MPRIP: variants seen among roughly 807,000 people sequenced by gnomAD.
MPRIP encodes the protein myosin phosphatase Rho interacting protein.
MPRIP carries 59 observed loss-of-function variants against 234.9 expected under a neutral mutation model. The observed-to-expected ratio is 0.25, with a 90% CI of 0.20 to 0.31. The LOEUF (loss-of-function observed/expected upper bound fraction) is 0.31. Among genes scored for constraint, MPRIP ranks in the 10% least tolerant of loss-of-function variants. The probability of loss-of-function intolerance (pLI) is 1.00; values close to 1 mark genes in which losing one functional copy is unlikely to be tolerated. For synonymous variants in MPRIP, 1,144 were observed against 1,263.9 expected (o/e 0.91, Z 2.01); for missense variants, 2,436 against 3,071.0 (o/e 0.79, Z 4.89).
rs113803816 is a variant in MPRIP, at chr17:17,150,179, A to G, written c.1665A>G (p.Ala555=). ...TGGATGGAGAAATTGACTTGTCCGC[A>G]TGTTACGATGTCACAGAGTATCCAG... ...ADLDGEIDLS[A]CYDVTEYPVQ... The change falls in exon 12 of 24, where the codon GCA becomes GCG. Residue 555 remains alanine (A), a synonymous_variant. Coordinates refer to ENST00000651222, the MANE Select transcript of MPRIP (RefSeq NM_001364716.4). The G allele has an allele frequency of 6.2e-4, 993 of 1,613,826 alleles. 3 individuals carry two copies. The African/African-American group carries it at 0.012, about 19-fold the overall frequency.
At position 17,165,149 on chromosome 17, in the gene MPRIP, G is replaced by A. The variant is rs1212833522; in HGVS notation, c.3558G>A (p.Gln1186=). ...AGAAGGTTCTGGAGAAGAAGGAGCA[G>A]GACCTCAATGAGGCTTTGGTTAAAA... ...AHEKVLEKKE[Q]DLNEALVKMV... The change falls in exon 16 of 24, where the codon CAG becomes CAA. Residue 1186 remains glutamine (Q), a synonymous_variant. Coordinates refer to ENST00000651222, the MANE Select transcript of MPRIP (RefSeq NM_001364716.4). 3.8e-6 allele frequency: 5 copies of A among 1,304,114 alleles called. No individual in the cohort carries two copies. The highest frequency in any genetic ancestry group is 5.1e-6 in the Non-Finnish European group (5 of 988,980). 80.8% of individuals were successfully genotyped at this position (1,304,114 alleles called of 1,614,324 possible).
At chr17:17,105,165 G>A (rs2090039074) in intron 3 of MPRIP, among the ~76,000 whole-genome samples, 1 of 152,272 alleles carries the variant, frequency 6.6e-6, no homozygotes, top group East Asian at 1.9e-4. Context: ...GATGGGCATC[G>A]CTTTCTCCCA....
Position 17,174,025 on chromosome 17 carries a change from G to C in MPRIP, c.6700G>C (p.Ala2234Pro). 6.2e-7 allele frequency: 1 copy of C among 1,613,522 alleles called. No homozygotes were observed. Among genetic ancestry groups the C allele is most frequent in the Non-Finnish European group, 8.5e-7 (1 of 1,180,036 alleles). The change falls in exon 19 of 24, where the codon GCC (alanine) becomes CCC (proline). Residue 2234 changes from alanine to proline, a missense_variant. Ala to Pro is a conservative substitution (Grantham distance 27). Coordinates refer to ENST00000651222, the MANE Select transcript of MPRIP (RefSeq NM_001364716.4). ...LAQALEAERQ[A>P]LRQCQRENQE... is the part of the protein sequence containing the mutation. Reference sequence around the variant, plus strand: ...CCAGGCGCTGGAGGCCGAGCGGCAGGCCCTGCGGCAGTGCCAGCGTGAGAA... The same window carrying C: ...CCAGGCGCTGGAGGCCGAGCGGCAGCCCCTGCGGCAGTGCCAGCGTGAGAA...
At chr17:17,096,717 C>CCTT in intron 3 of MPRIP, 2 of 470,624 alleles carry the variant, frequency 4.2e-6, no homozygotes, top group South Asian at 3.1e-5. Context: ...TCAGCCCTGT[C>CCTT]CTTACCCAGG....
At chr17:17,174,607 C>T (rs1327081635) in intron 19 of MPRIP, among the ~76,000 whole-genome samples, 4 of 152,144 alleles carry the variant, frequency 2.6e-5, no homozygotes, top group South Asian at 2.1e-4. Context: ...GAGGCCAAGA[C>T]GGGCGGATCA....
chr17:17,061,274 C>T (rs1014329310), intron 1 of MPRIP, among the ~76,000 whole-genome samples: 13 of 152,180 alleles, frequency 8.5e-5, no homozygotes, highest in African/African-American at 2.9e-4. Flanking sequence ...CCAGAAAAGA[C>T]GGACAACCTT....
intron 1 of MPRIP, among the ~76,000 whole-genome samples, chr17:17,054,771 C>G (rs2088643106): frequency 6.6e-6 from 1 of 151,058 alleles, no homozygotes; most frequent in South Asian, 2.1e-4. Context: ...ATTTTTAGGT[C>G]AGGTGCTGCG....
intron 2 of MPRIP, chr17:17,077,470 T>C (rs2089359659): frequency 2.6e-5 from 4 of 154,858 alleles, no homozygotes; most frequent in Admixed American, 1.9e-4. Context: ...TGTTTTGATT[T>C]TCATTAACTC....
intron 3 of MPRIP, among the ~76,000 whole-genome samples, chr17:17,080,513 T>C (rs2089437485): frequency 6.6e-6 from 1 of 152,200 alleles, no homozygotes; most frequent in Non-Finnish European, 1.5e-5. Flanking sequence ...TGCCTGGAAA[T>C]AGACCAGTGG....
Position 17,166,726 on chromosome 17 carries a change from T to G in MPRIP, c.5135T>G (p.Leu1712Arg), listed in dbSNP as rs1348181994. Residue 1712 changes from leucine (L) to arginine (R), a missense_variant, in exon 16 of 24, where the codon CTG (leucine) becomes CGG (arginine). By Grantham distance (102) the Leu-to-Arg change is moderately radical (BLOSUM62 -2). Transcript: ENST00000651222. This position sits in a 1 kb window ranked among gnomAD's most constrained non-coding sequence, Gnocchi z 4.4. ...CACAAATGCCTGCTGAGGGAAATCC[T>G]GGGAGCCTACCAAACCCCAGACTTT... ...RQHKCLLREI[L>R]GAYQTPDFER... 3.1e-6 allele frequency: 4 copies of G among 1,304,136 alleles called. No homozygotes were observed. Among genetic ancestry groups the G allele is most frequent in the Non-Finnish European group, 4.0e-6 (4 of 988,930 alleles). 80.8% of individuals were successfully genotyped at this position (1,304,136 alleles called of 1,614,324 possible).
intron 3 of MPRIP, among the ~76,000 whole-genome samples, chr17:17,115,711 G>A (rs926465279): frequency 6.6e-6 from 1 of 152,076 alleles, no homozygotes; most frequent in African/African-American, 2.4e-5. Flanking sequence ...CATCTTTATC[G>A]ATTGGCCTGT....
chr17:17,177,554 C>T (rs1344611007), intron 22 of MPRIP, 142 bp downstream of exon 22: 2 of 897,362 alleles, frequency 2.2e-6, no homozygotes, highest in Non-Finnish European at 3.4e-6. Flanking sequence ...AGCAGGAGCA[C>T]CAGCTTCACA....
chr17:17,075,766 C>T lies in MPRIP; in HGVS notation c.180C>T (p.Asp60=), dbSNP rs781555542. The part of the protein sequence containing the change: ...LLLAPDGTDF[D]NPVHRSRKWQ... ...TGGCTCCAGATGGGACCGACTTTGA[C>T]AACCCAGTGCACCGGTCTCGGGTAA... Residue 60 remains aspartate, a synonymous_variant, in exon 2 of 24, where the codon GAC becomes GAT. Coordinates refer to ENST00000651222, the MANE Select transcript of MPRIP (RefSeq NM_001364716.4). 2.5e-6 allele frequency: 4 copies of T among 1,614,116 alleles called. No individual in the cohort carries two copies. The highest frequency in any genetic ancestry group is 1.7e-5 in the Admixed American group (1 of 60,018).
At chr17:17,081,194 C>G (rs2089454311) in intron 3 of MPRIP, among the ~76,000 whole-genome samples, 1 of 152,174 alleles carries the variant, frequency 6.6e-6, no homozygotes, top group South Asian at 2.1e-4. Flanking sequence ...TATGATGTTA[C>G]CATTTGATTT....
chr17:17,074,441 C>G (rs1323402590), intron 1 of MPRIP, among the ~76,000 whole-genome samples: 2 of 152,186 alleles, frequency 1.3e-5, no homozygotes, highest in Non-Finnish European at 2.9e-5. Flanking sequence ...CCTCACAGGC[C>G]AGACACTGTG....
chr17:17,166,920 G>A lies in MPRIP; in HGVS notation c.5329G>A (p.Ala1777Thr), dbSNP rs1237240140. Residue 1777 changes from alanine (A) to threonine (T), a missense_variant, in exon 16 of 24, where the codon GCT becomes ACT. Transcript: ENST00000651222. The surrounding 1 kb of genome is among the most constrained non-coding windows in gnomAD (Gnocchi z 4.4). ...VSDQSPGAFV[A>T]IQEELAQQLK... is the part of the protein sequence containing the mutation. ...TGACCAGAGCCCTGGGGCCTTTGTT[G>A]CTATTCAGGAGGAGCTTGCCCAGCA... 4.6e-6 allele frequency: 6 copies of A among 1,304,074 alleles called. 1 individual carries two copies. In the South Asian group the frequency reaches 7.4e-5, roughly 16 times the overall value. The allele number at this position is 1,304,074 out of a possible 1,614,324, so 80.8% of individuals were successfully genotyped here.
At position 17,188,325 on chromosome 17, in the gene MPRIP, C is replaced by A. The variant is rs759396879; in HGVS notation, c.*3431C>A. The A allele has an allele frequency of 2.0e-5, 3 of 152,268 alleles. No individual in the cohort carries two copies. The highest frequency in any genetic ancestry group is 4.4e-5 in the Non-Finnish European group (3 of 68,076). The allele number at this position is 152,268 out of a possible 1,614,324, so 9.4% of individuals were successfully genotyped here. On this transcript the variant is annotated 3_prime_UTR_variant, in exon 24 of 24. Coordinates refer to ENST00000651222, the MANE Select transcript of MPRIP (RefSeq NM_001364716.4). ...TAGAGGTGGCAGTATCGCGAATTTG[C>A]AGGTTTATTGAACAAGAGGTAACAT... is the stretch of plus-strand genomic sequence containing the variant.
chr17:17,172,658 G>A, intron 17 of MPRIP, 40 bp from the exon 18 acceptor site: 7 of 1,548,174 alleles, frequency 4.5e-6, no homozygotes, highest in Non-Finnish European at 5.3e-6. Context: ...AGCAGGAAGG[G>A]CGTGGTCCCT....
chr17:17,180,174 G>C (rs778780699), intron 23 of MPRIP, 86 bp downstream of exon 23: 155 of 1,125,078 alleles, frequency 1.4e-4, no homozygotes, highest in Non-Finnish European at 1.8e-4. Flanking sequence ...GTGCTCCCAT[G>C]GGCCACAGCT....
Sources: gnomAD v4.1 joint callset for allele counts (sites outside exome capture counted in the v4.1 genomes callset) on GRCh38, gnomAD v4.1.1 for gene constraint, Gnocchi (gnomAD v3.1) non-coding constraint, MANE v1.5 for transcripts, NCBI Gene and HGNC (gene_info 2026-07-23, HGNC 2026-07-21) for gene names.